The following CDC5L variants were observed in gnomAD, a reference collection of about 807,000 sequenced individuals.
The protein encoded by CDC5L is cell division cycle 5 like.
A neutral mutation model predicts 104.1 loss-of-function variants in CDC5L; 18 were observed. That is an observed-to-expected ratio of 0.17 (90% confidence interval 0.12 to 0.26). The LOEUF (loss-of-function observed/expected upper bound fraction) is 0.26, where lower values mean the gene tolerates loss of function less well. CDC5L is among the 10% of genes least tolerant of loss of function. CDC5L has a pLI of 1.00. For synonymous variants in CDC5L, 331 were observed against 322.7 expected (o/e 1.03, Z -0.28); for missense variants, 673 against 956.9 (o/e 0.70, Z 3.91).
Position 44,407,667 on chromosome 6 carries a change from T to C in CDC5L, c.904-777T>C, listed in dbSNP as rs1043639409. Among the ~76,000 whole-genome samples the C allele has an allele frequency of 3.3e-5, 5 of 152,154 alleles. No homozygotes were observed. The South Asian group carries it at 8.3e-4, about 25-fold the overall frequency. On this transcript the variant is annotated intron_variant, in intron 7 of 15. Coordinates refer to ENST00000371477, the MANE Select transcript of CDC5L (RefSeq NM_001253.4). ...TTTGTCTGTTTTGAGTAGTACAGCT[T>C]TGTAGAATTGGACAGATTTAATGGT...
chr6:44,406,328 A>T lies in CDC5L; in HGVS notation c.764A>T (p.Lys255Ile). ...TCTACTTTGATCCATGACAGTGAAA[A>T]AGAAGGAAGAGATAGAAAAAAAGAC... ...QDLDGELRSEKEGRDRKKDKQ... is the reference protein window; with the variant it reads ...QDLDGELRSEIEGRDRKKDKQ... Residue 255 changes from lysine (K) to isoleucine (I), a missense_variant, in exon 7 of 16, where the codon AAA becomes ATA. This residue lies in a region of CDC5L where 578 missense variants were observed against 737.0 expected (regional missense o/e 0.78). Coordinates refer to ENST00000371477, the MANE Select transcript of CDC5L (RefSeq NM_001253.4). 1.2e-6 allele frequency: 2 copies of T among 1,600,300 alleles called. No homozygotes were observed. The highest frequency in any genetic ancestry group is 1.7e-6 in the Non-Finnish European group (2 of 1,172,390).
intron 14 of CDC5L, among the ~76,000 whole-genome samples, chr6:44,436,305 T>C (rs1345807482): frequency 6.6e-6 from 1 of 152,210 alleles, no homozygotes; most frequent in East Asian, 1.9e-4. Context: ...TAAGTTTTTA[T>C]ATTCTGTAAA....
chr6:44,419,491 T>C lies in CDC5L; in HGVS notation c.1135T>C (p.Leu379=). Residue 379 remains leucine, a synonymous_variant, in exon 9 of 16, where the codon TTG becomes CTG. Transcript: ENST00000371477. ...GGCCCTCACCAATGTGGACACCCCA[T>C]TGAAAGGTGGACTTAATACCCCATT... ...LMALTNVDTP[L]KGGLNTPLHE... is the part of the protein sequence containing the mutation. 1 of 1,614,104 alleles carries C rather than the reference T, an allele frequency of 6.2e-7. No homozygotes were observed. The highest frequency in any genetic ancestry group is 8.5e-7 in the Non-Finnish European group (1 of 1,179,946).
intron 3 of CDC5L, 21 bp downstream of exon 3, chr6:44,392,849 A>G (rs759708231): frequency 6.2e-7 from 1 of 1,604,626 alleles, no homozygotes; most frequent in Non-Finnish European, 8.5e-7. Context: ...CTTCAGAAAG[A>G]GCATAGAATA....
chr6:44,388,330 T>TTTGA (rs1790445455), intron 1 of CDC5L, among the ~76,000 whole-genome samples: 1 of 152,000 alleles, frequency 6.6e-6, no homozygotes, highest in Non-Finnish European at 1.5e-5. Flanking sequence ...GGGGAAGCAG[T>TTTGA]TTGAGTGCCA....
intron 5 of CDC5L, 108 bp from the exon 6 acceptor site, chr6:44,403,701 T>TA: frequency 1.3e-6 from 1 of 759,858 alleles, no homozygotes; most frequent in African/African-American, 1.8e-5. Context: ...AGGATTTAAA[T>TA]AACTATTTCT....
chr6:44,437,171 T>G (rs1325809295), intron 14 of CDC5L, among the ~76,000 whole-genome samples: 1 of 152,204 alleles, frequency 6.6e-6, no homozygotes, highest in Non-Finnish European at 1.5e-5. Context: ...TGGATGGGTG[T>G]TGGGAGGAGC....
chr6:44,401,809 C>A (rs971795675), intron 5 of CDC5L, among the ~76,000 whole-genome samples: 1 of 151,154 alleles, frequency 6.6e-6, no homozygotes, highest in African/African-American at 2.4e-5. Flanking sequence ...CCCCTCTCCC[C>A]CCACCCCACA....
At position 44,392,796 on chromosome 6, in the gene CDC5L, G is replaced by C. The variant is rs10948136; in HGVS notation, c.279G>C (p.Ala93=). The C allele has an allele frequency of 1.2e-6, 2 of 1,613,860 alleles. No homozygotes were observed. The highest frequency in any genetic ancestry group is 3.3e-5 in the Admixed American group (2 of 60,018). ...RTIAPIIGRT[A]AQCLEHYEFL... The stretch of plus-strand genomic sequence containing the variant: ...TTGCTCCAATCATTGGAAGAACAGC[G>C]GCCCAGTGCTTAGAACACTATGAAT... The change falls in exon 3 of 16, where the codon GCG becomes GCC. Residue 93 remains alanine (A), a synonymous_variant. Transcript: ENST00000371477.
chr6:44,439,101 T>C, intron 14 of CDC5L, among the ~76,000 whole-genome samples: 1 of 152,318 alleles, frequency 6.6e-6, no homozygotes, highest in South Asian at 2.1e-4. Context: ...ATAAGTGGAA[T>C]CATGTAATAT....
intron 5 of CDC5L, among the ~76,000 whole-genome samples, 166 bp from the exon 6 acceptor site, chr6:44,403,643 C>T (rs758814912): frequency 2.8e-4 from 43 of 151,892 alleles, no homozygotes; most frequent in Non-Finnish European, 4.7e-4. Flanking sequence ...TGTGTGTGTG[C>T]ACCTTTAAAT....
At chr6:44,444,977 T>G (rs1352130881) in intron 14 of CDC5L, among the ~76,000 whole-genome samples, 1 of 152,168 alleles carries the variant, frequency 6.6e-6, no homozygotes, top group Non-Finnish European at 1.5e-5. Flanking sequence ...AACTCCCCCA[T>G]GCAAGTTAAA....
intron 14 of CDC5L, among the ~76,000 whole-genome samples, chr6:44,438,665 CTTTTTT>C (rs749816182): frequency 0.021 from 2,278 of 106,254 alleles, 27 homozygotes; most frequent in African/African-American, 0.036. Flanking sequence ...GAAGTTTTGT[CTTTTTT>C]TTTTTTTTTT....
At chr6:44,389,338 A>T (rs1790492160) in intron 1 of CDC5L, among the ~76,000 whole-genome samples, 1 of 152,206 alleles carries the variant, frequency 6.6e-6, no homozygotes. Flanking sequence ...ATTCCTATGC[A>T]GTGGTCAAAG....
At chr6:44,399,977 A>AT (rs971012123) in intron 5 of CDC5L, among the ~76,000 whole-genome samples, 9 of 151,216 alleles carry the variant, frequency 6.0e-5, no homozygotes, top group Non-Finnish European at 7.4e-5. Context: ...TTAAATAAAT[A>AT]TTTTTTTTCA....
chr6:44,443,023 CTCTTTCTTCTCTTTCTTTT>C (rs1450850025), intron 14 of CDC5L, among the ~76,000 whole-genome samples: 1 of 151,110 alleles, frequency 6.6e-6, no homozygotes, highest in African/African-American at 2.4e-5. Context: ...TTTTTTCTCT[CTCTTTCTTCTCTTTCTTTT>C]TCTTTCTTCT....
intron 6 of CDC5L, among the ~76,000 whole-genome samples, chr6:44,404,273 T>A (rs1791262869): frequency 6.6e-6 from 1 of 152,014 alleles, no homozygotes; most frequent in African/African-American, 2.4e-5. Flanking sequence ...GCCTCCTGAG[T>A]AGCTAGGCCT....
intron 5 of CDC5L, among the ~76,000 whole-genome samples, chr6:44,399,206 G>A (rs1335322394): frequency 6.6e-6 from 1 of 152,126 alleles, no homozygotes; most frequent in East Asian, 1.9e-4. Context: ...TCCTTTCTTG[G>A]CCTCCCAAAG....
intron 14 of CDC5L, among the ~76,000 whole-genome samples, chr6:44,443,085 C>A: frequency 6.6e-6 from 1 of 150,986 alleles, no homozygotes; most frequent in Non-Finnish European, 1.5e-5. Flanking sequence ...GTCCCTGTCT[C>A]TCTTTCTTTT....
Sources: allele counts gnomAD v4.1 joint callset (sites outside exome capture counted in the v4.1 genomes callset), GRCh38; gene constraint gnomAD v4.1.1; regional missense constraint gnomAD v4.1.1; transcripts MANE v1.5; gene names NCBI Gene and HGNC (gene_info 2026-07-23, HGNC 2026-07-21).